Variants in CIDEB observed in about 807,000 individuals in gnomAD.
The protein encoded by CIDEB is lipid transferase CIDEB.
CIDEB carries 27 observed loss-of-function variants against 22.4 expected under a neutral mutation model. The observed-to-expected ratio is 1.21, with a 90% CI of 0.89 to 1.66. The LOEUF is 1.66. Ranked by LOEUF, CIDEB falls within the 40% of genes most tolerant of loss-of-function variation. The probability of loss-of-function intolerance (pLI) is 0.00; values close to 1 mark genes in which losing one functional copy is unlikely to be tolerated. For missense variants in CIDEB, 289 were observed against 268.7 expected (o/e 1.08, Z -0.53); for synonymous variants, 103 against 109.5 (o/e 0.94, Z 0.37).
At chr14:24,310,340 G>T (rs1446629902), upstream of CIDEB, 1 of 599,698 alleles carries the variant, frequency 1.7e-6, no homozygotes, top group Non-Finnish European at 3.0e-6. Flanking sequence ...AAAGAAGGAG[G>T]GGCCAGACTA....
chr14:24,307,507 G>C lies in CIDEB; in HGVS notation c.50C>G (p.Ser17Cys), dbSNP rs778321643. Reference protein sequence around the residue: ...LNPSDLLRSVSNISSEFGRRV... With the variant: ...LNPSDLLRSVCNISSEFGRRV... ...CCGTCCAAACTCCGAGCTTATATTA[G>C]ATACTGACCTGGTAGTTGAGAAGAA... Residue 17 changes from serine (S) to cysteine (C), a missense_variant, in exon 2 of 5, where the codon TCT (serine) becomes TGT (cysteine). Ser to Cys is a moderately radical substitution (Grantham distance 112, BLOSUM62 -1). Coordinates refer to ENST00000554411, the MANE Select transcript of CIDEB (RefSeq NM_001393339.1). The C allele has an allele frequency of 1.2e-6, 2 of 1,613,430 alleles. No individual in the cohort carries two copies. The highest frequency in any genetic ancestry group is 3.3e-5 in the Admixed American group (2 of 59,870).
chr14:24,310,365 G>A (rs1428123700), upstream of CIDEB: 2 of 609,016 alleles, frequency 3.3e-6, no homozygotes, highest in East Asian at 5.5e-5. Flanking sequence ...AGTGGTGGTA[G>A]AGATAGTGAC....
upstream of CIDEB, chr14:24,311,011 G>C: frequency 6.3e-7 from 1 of 1,585,820 alleles, no homozygotes. Flanking sequence ...GGCCTGCTCA[G>C]CCTGCAGCGC....
Position 24,305,620 on chromosome 14 carries a change from A to G in CIDEB, c.*13T>C. 6.2e-7 allele frequency: 1 copy of G among 1,605,960 alleles called. No individual in the cohort carries two copies. Among genetic ancestry groups the G allele is most frequent in the African/African-American group, 1.3e-5 (1 of 74,636 alleles). ...CGGTTGGAATGATTCTGGGGGCAGA[A>G]GCTCAGAGCCCCTTAGTAGGAATGG... On this transcript the variant is annotated 3_prime_UTR_variant, in exon 5 of 5. Transcript: ENST00000554411.
upstream of CIDEB, chr14:24,311,182 C>T (rs371024231): frequency 3.2e-5 from 52 of 1,607,314 alleles, no homozygotes; most frequent in Non-Finnish European, 4.0e-5. Flanking sequence ...CTGTGCCACC[C>T]GTCGCCGGTC....
Position 24,307,822 on chromosome 14 carries a change from G to A in CIDEB, c.37C>T (p.Leu13Phe). Residue 13 changes from leucine (L) to phenylalanine (F), a missense_variant, in exon 1 of 5, where the codon CTC (leucine) becomes TTC (phenylalanine). Transcript: ENST00000554411. The stretch of plus-strand genomic sequence containing the variant: ...GAGCGGAGGGTTAGCAGTCACCTGA[G>A]TAAGTCACTGGGGTTCAGAGCTGAG... ...YLSALNPSDL[L>F]RSVSNISSEF... The A allele has an allele frequency of 6.3e-7, 1 of 1,595,260 alleles. No homozygotes were observed. The highest frequency in any genetic ancestry group is 8.5e-7 in the Non-Finnish European group (1 of 1,170,524).
At chr14:24,308,751 C>A (rs1451016574), upstream of CIDEB, 1 of 152,184 alleles carries the variant, frequency 6.6e-6, no homozygotes, top group Non-Finnish European at 1.5e-5. Context: ...GACAGTGAAA[C>A]CCTCAAATGA....
intron 2 of CIDEB, 64 bp downstream of exon 2, chr14:24,307,307 T>C: frequency 1.3e-6 from 2 of 1,527,342 alleles, no homozygotes; most frequent in Admixed American, 3.8e-5. Context: ...CATCACAAGT[T>C]GCCACTGTTG....
In CIDEB at chr14:24,305,254, C is replaced by T; in HGVS notation, c.*379G>A. On this transcript the variant is annotated 3_prime_UTR_variant, in exon 5 of 5. Coordinates refer to ENST00000554411, the MANE Select transcript of CIDEB (RefSeq NM_001393339.1). ...TAGTTTGAGGGGAAGGGTATGAAGA[C>T]AGATCTCAAGGTAAAGTCAGAGAGG... 4 of 808,620 alleles carry T rather than the reference C, an allele frequency of 4.9e-6. No homozygotes were observed. The South Asian group carries it at 1.1e-4, about 22-fold the overall frequency. 50.1% of individuals were successfully genotyped at this position (808,620 alleles called of 1,614,324 possible). A position where few individuals can be genotyped will look rare whatever the true frequency, so the allele number is the denominator to read the frequency against.
chr14:24,307,565 G>A, intron 1 of CIDEB, 50 bp from the exon 2 acceptor site: 2 of 1,588,762 alleles, frequency 1.3e-6, no homozygotes, highest in Non-Finnish European at 1.7e-6. Flanking sequence ...GGCTTGGTGA[G>A]TGTAAAGGGC....
At chr14:24,311,326 G>A (rs562644365), upstream of CIDEB, 13 of 1,600,772 alleles carry the variant, frequency 8.1e-6, no homozygotes, top group East Asian at 2.7e-4. Context: ...CACGGGGCGC[G>A]GGTGGGCCGG....
upstream of CIDEB, chr14:24,310,360 T>C: frequency 1.7e-6 from 1 of 606,050 alleles, no homozygotes; most frequent in Middle Eastern, 4.3e-4. Flanking sequence ...AGAGGAGTGG[T>C]GGTAGAGATA....
In CIDEB at chr14:24,305,350, G is replaced by A. The variant is rs201544233; in HGVS notation, c.*283C>T. 3.3e-4 allele frequency: 186 copies of A among 566,558 alleles called. 1 individual carries two copies. The African/African-American group carries it at 3.4e-3, about 10-fold the overall frequency. The allele number at this position is 566,558 out of a possible 1,614,324, so 35.1% of individuals were successfully genotyped here. On this transcript the variant is annotated 3_prime_UTR_variant, in exon 5 of 5. Coordinates refer to ENST00000554411, the MANE Select transcript of CIDEB (RefSeq NM_001393339.1). ...AGGGGATTAGATGTAGCAGCAGTCA[G>A]GCTGGGATCAAGATGCCTGGGGGAC...
intron 2 of CIDEB, chr14:24,306,849 C>T (rs986172898): frequency 2.6e-6 from 1 of 390,064 alleles, no homozygotes; most frequent in Admixed American, 3.8e-5. Flanking sequence ...AATGCTGCAC[C>T]TCACTTCCCA....
chr14:24,310,757 G>A, upstream of CIDEB: 2 of 1,608,536 alleles, frequency 1.2e-6, no homozygotes, highest in Non-Finnish European at 8.5e-7. Flanking sequence ...TGCTGGCGGC[G>A]CTGCTGGGGC....
rs1434980915 is a variant in CIDEB, at chr14:24,306,357, C to T, written c.336+17G>A. The T allele has an allele frequency of 6.2e-7, 1 of 1,613,988 alleles. No homozygotes were observed. The highest frequency in any genetic ancestry group is 8.5e-7 in the Non-Finnish European group (1 of 1,179,984). ...AAAGGACAGGCATTGGAAGCAGCCC[C>T]AGTATAGGCCTCTTACCCTTGTAGG... On this transcript the variant is annotated intron_variant, in intron 3 of 4. Transcript: ENST00000554411.
intron 1 of CIDEB, 140 bp from the exon 2 acceptor site, chr14:24,307,655 A>T: frequency 1.1e-6 from 1 of 900,602 alleles, no homozygotes; most frequent in Non-Finnish European, 1.7e-6. Flanking sequence ...GAGACCATGG[A>T]GTGCAGGTGG....
upstream of CIDEB, chr14:24,310,722 C>T (rs147179126): frequency 1.1e-5 from 18 of 1,612,188 alleles, no homozygotes; most frequent in African/African-American, 2.0e-4. Context: ...GAAGACTTCG[C>T]GGGCCACAGG....
rs2041460005 is a variant in CIDEB at position 24,305,207 on chromosome 14, T to C, written c.*426A>G. ...AAGTCTTAGTGGTAAATATTTGATA[T>C]TTTTATTGGAAATGTTTTTGTTAGT... On this transcript the variant is annotated 3_prime_UTR_variant, in exon 5 of 5. Transcript: ENST00000554411. 4.4e-6 allele frequency: 5 copies of C among 1,129,898 alleles called. No homozygotes were observed. Among genetic ancestry groups the C allele is most frequent in the Non-Finnish European group, 5.9e-6 (5 of 846,398 alleles). 70.0% of individuals were successfully genotyped at this position (1,129,898 alleles called of 1,614,324 possible).
Sources: allele counts gnomAD v4.1 joint callset, GRCh38; gene constraint gnomAD v4.1.1; transcripts MANE v1.5; gene names NCBI Gene and HGNC (gene_info 2026-07-23, HGNC 2026-07-21).